VPS13C: variants seen among roughly 807,000 people sequenced by gnomAD.
The protein encoded by VPS13C is intermembrane lipid transfer protein VPS13C.
In VPS13C, 358 loss-of-function variants were observed where a neutral mutation model predicts 456.8. The ratio of observed to expected loss-of-function variants is 0.78; its 90% CI spans 0.72 to 0.86. The LOEUF (loss-of-function observed/expected upper bound fraction) is 0.86, where lower values mean the gene tolerates loss of function less well. VPS13C is among the 40% of genes least tolerant of loss of function. The pLI is 0.00. For synonymous variants in VPS13C, 1,578 were observed against 1,486.7 expected (o/e 1.06, Z -1.41); for missense variants, 4,818 against 4,385.4 (o/e 1.10, Z -2.79).
intron 57 of VPS13C, 143 bp from the exon 58 acceptor site, chr15:61,919,592 A>T: frequency 1.1e-6 from 1 of 907,434 alleles, no homozygotes; most frequent in South Asian, 4.3e-5. Context: ...TCTAAGACAT[A>T]AACTTAAAAA....
chr15:62,043,357 A>G (rs532872524), intron 2 of VPS13C, among the ~76,000 whole-genome samples: 129 of 152,272 alleles, frequency 8.5e-4, no homozygotes, highest in African/African-American at 2.9e-3. Context: ...TGTAATCCCA[A>G]CACTTTGGGA....
rs1034432832 is a variant in VPS13C, at chr15:61,926,494, T to C, written c.6516+597A>G. ...TCAAAGAATATTTCATGATAAAGTATAGACTTCATACTTTCTTTATGCAAG... is the reference window on the plus strand; with the variant it reads ...TCAAAGAATATTTCATGATAAAGTACAGACTTCATACTTTCTTTATGCAAG... On this transcript the variant is annotated intron_variant, in intron 52 of 84. Coordinates refer to ENST00000644861, the MANE Select transcript of VPS13C (RefSeq NM_020821.3). Among the ~76,000 whole-genome samples, 6 of 152,248 alleles carry C rather than the reference T, an allele frequency of 3.9e-5. No individual in the cohort carries two copies. In the East Asian group the frequency reaches 5.8e-4, roughly 15 times the overall value.
chr15:62,023,552 A>G, intron 7 of VPS13C, 32 bp from the exon 8 acceptor site: 1 of 1,487,528 alleles, frequency 6.7e-7, no homozygotes, highest in Non-Finnish European at 9.1e-7. Flanking sequence ...CAAGCTCAAG[A>G]GTTGAAATTC....
At chr15:62,032,408 G>GA (rs1415975349) in intron 5 of VPS13C, among the ~76,000 whole-genome samples, 1 of 151,636 alleles carries the variant, frequency 6.6e-6, no homozygotes, top group Non-Finnish European at 1.5e-5. Context: ...GAAAATAAGA[G>GA]AAAAAATGTT....
At chr15:62,017,428 G>GT (rs1555445049) in intron 9 of VPS13C, among the ~76,000 whole-genome samples, 1 of 152,006 alleles carries the variant, frequency 6.6e-6, no homozygotes, top group Non-Finnish European at 1.5e-5. Context: ...GGTCTAACAT[G>GT]TAAGTCTTTA....
chr15:61,870,953 GTGT>G (rs1181084732), intron 79 of VPS13C, among the ~76,000 whole-genome samples: 1 of 152,000 alleles, frequency 6.6e-6, no homozygotes, highest in Non-Finnish European at 1.5e-5. Context: ...ATTTAAAATT[GTGT>G]TGTCTTTTTA....
rs769688101 is a variant in VPS13C at position 61,934,201 on chromosome 15, C to T, written c.5868+18G>A. 1 of 1,498,246 alleles carries T rather than the reference C, an allele frequency of 6.7e-7. No individual in the cohort carries two copies. The highest frequency in any genetic ancestry group is 1.3e-5 in the South Asian group (1 of 77,362). 92.8% of individuals were successfully genotyped at this position (1,498,246 alleles called of 1,614,324 possible). A position where few individuals can be genotyped will look rare whatever the true frequency, so the allele number is the denominator to read the frequency against. ...AGAGCTAAGGATTTATTTCTAATTACAGAAATGTATTACATACCTGGTTGA... is the reference window on the plus strand; with the variant it reads ...AGAGCTAAGGATTTATTTCTAATTATAGAAATGTATTACATACCTGGTTGA... On this transcript the variant is annotated intron_variant, in intron 49 of 84. Transcript: ENST00000644861.
At chr15:61,923,861 CTTTTTT>C (rs1188960583) in intron 53 of VPS13C, among the ~76,000 whole-genome samples, 3 of 75,124 alleles carry the variant, frequency 4.0e-5, no homozygotes, top group African/African-American at 1.7e-4. Context: ...CCCTCTAAAT[CTTTTTT>C]TTTTTTTTTT....
At chr15:61,940,593 T>A in intron 47 of VPS13C, 54 bp downstream of exon 47, 1 of 1,560,112 alleles carries the variant, frequency 6.4e-7, no homozygotes, top group South Asian at 1.2e-5. Flanking sequence ...TGCACTATGA[T>A]CAACGAGAAA....
At chr15:61,943,669 C>A (rs1422025187) in intron 45 of VPS13C, among the ~76,000 whole-genome samples, 1 of 151,960 alleles carries the variant, frequency 6.6e-6, no homozygotes, top group Non-Finnish European at 1.5e-5. Flanking sequence ...AAGTGTAAGA[C>A]CTCAAACTAT....
intron 66 of VPS13C, among the ~76,000 whole-genome samples, chr15:61,901,702 G>C (rs912379881): frequency 6.6e-6 from 1 of 151,812 alleles, no homozygotes; most frequent in Non-Finnish European, 1.5e-5. Context: ...AAGTCAGTGT[G>C]GCGATTCCTC....
chr15:62,037,112 CA>C (rs1043716873), intron 3 of VPS13C, among the ~76,000 whole-genome samples: 1 of 140,606 alleles, frequency 7.1e-6, no homozygotes, highest in Non-Finnish European at 1.5e-5. Flanking sequence ...ACTTTAAAAG[CA>C]AAAAGAACAA....
chr15:62,056,570 G>A (rs550648501), intron 1 of VPS13C, among the ~76,000 whole-genome samples: 32 of 152,270 alleles, frequency 2.1e-4, no homozygotes, highest in Non-Finnish European at 4.0e-4. Context: ...ACCAGGGAAG[G>A]GAGGCTCCCT....
Position 61,966,172 on chromosome 15 carries a change from G to C in VPS13C, c.2992-30C>G, listed in dbSNP as rs769566540. ...AAAAAGAAGTAAAAGTTCTAAAGAA[G>C]GTACTAGGATCGAAGTAAATAAATC... On this transcript the variant is annotated intron_variant, in intron 29 of 84. Transcript: ENST00000644861. 17 of 1,529,496 alleles carry C rather than the reference G, an allele frequency of 1.1e-5. No homozygotes were observed. The East Asian group carries it at 3.5e-4, about 31-fold the overall frequency. The allele number at this position is 1,529,496 out of a possible 1,614,324, so 94.7% of individuals were successfully genotyped here.
At chr15:62,043,469 G>A (rs1403865731) in intron 2 of VPS13C, among the ~76,000 whole-genome samples, 1 of 152,156 alleles carries the variant, frequency 6.6e-6, no homozygotes, top group Non-Finnish European at 1.5e-5. Context: ...ACCCAGGCGT[G>A]GTGGCACACA....
In VPS13C at chr15:61,914,878, T is replaced by TAAAAAAAAAAAAAAAAAAAAAAAAAA. The variant is rs60910951; in HGVS notation, c.8445+729_8445+754dup. ...ACCGAGCCTGGCCAAAACTCTGCCT[T>TAAAAAAAAAAAAAAAAAAAAAAAAAA]AAAAAAAAAAAAAAAAAAAAAAAAA... On this transcript the variant is annotated intron_variant, in intron 61 of 84. Coordinates refer to ENST00000644861, the MANE Select transcript of VPS13C (RefSeq NM_020821.3). Among the ~76,000 whole-genome samples the TAAAAAAAAAAAAAAAAAAAAAAAAAA allele has an allele frequency of 6.9e-5, 7 of 102,048 alleles. 2 individuals are homozygous for TAAAAAAAAAAAAAAAAAAAAAAAAAA. The highest frequency in any genetic ancestry group is 9.8e-5 in the Non-Finnish European group (5 of 51,272). The allele number at this position is 102,048 out of a possible 152,430, so 66.9% of individuals were successfully genotyped here. A position where few individuals can be genotyped will look rare whatever the true frequency, so the allele number is the denominator to read the frequency against.
intron 82 of VPS13C, among the ~76,000 whole-genome samples, chr15:61,860,279 T>A (rs1234791829): frequency 6.6e-6 from 1 of 152,100 alleles, no homozygotes; most frequent in Non-Finnish European, 1.5e-5. Context: ...AAACAAAAAA[T>A]TATTTTCTAC....
intron 29 of VPS13C, among the ~76,000 whole-genome samples, 172 bp downstream of exon 29, chr15:61,967,196 C>G (rs575705754): frequency 6.6e-6 from 1 of 151,804 alleles, no homozygotes; most frequent in Non-Finnish European, 1.5e-5. Context: ...ATAATAGCCC[C>G]GTACTTAAGT....
chr15:61,957,958 G>T (rs1279235778), intron 37 of VPS13C, among the ~76,000 whole-genome samples: 1 of 151,234 alleles, frequency 6.6e-6, no homozygotes, highest in African/African-American at 2.4e-5. Context: ...ACAGCAAAGT[G>T]AATAAACACA....
Sources: gnomAD v4.1 joint callset for allele counts (sites outside exome capture counted in the v4.1 genomes callset) on GRCh38, gnomAD v4.1.1 for gene constraint, MANE v1.5 for transcripts, NCBI Gene and HGNC (gene_info 2026-07-23, HGNC 2026-07-21) for gene names.